The following GMPPB variants were observed in gnomAD, a reference collection of about 807,000 sequenced individuals.
GMPPB encodes the protein mannose-1-phosphate guanylyltransferase catalytic subunit beta.
A neutral mutation model predicts 40.3 loss-of-function variants in GMPPB; 38 were observed. The ratio of observed to expected loss-of-function variants is 0.94; its 90% CI spans 0.73 to 1.24. The LOEUF (loss-of-function observed/expected upper bound fraction) is 1.24, where lower values mean the gene tolerates loss of function less well. Ranked by LOEUF, GMPPB falls within the 50% of genes most tolerant of loss-of-function variation. GMPPB has a pLI of 0.00. For missense variants in GMPPB, 436 were observed against 487.1 expected, an observed-to-expected ratio of 0.90 and a Z score of 0.99; for synonymous variants, 193 against 191.8, an observed-to-expected ratio of 1.01 and a Z score of -0.05.
intron 5 of GMPPB, 22 bp downstream of exon 5, chr3:49,722,574 C>G (rs758710072): frequency 3.7e-6 from 6 of 1,613,372 alleles, no homozygotes; most frequent in Non-Finnish European, 5.1e-6. Context: ...CCCCAGCCCA[C>G]CAACAGCTGT....
Position 49,721,666 on chromosome 3 carries a change from A to ACAAGT in GMPPB, c.*81_*85dup, listed in dbSNP as rs1226680054. On this transcript the variant is annotated 3_prime_UTR_variant, in exon 9 of 9. Coordinates refer to ENST00000308388, the MANE Select transcript of GMPPB (RefSeq NM_021971.4). Reference sequence around the variant, plus strand: ...CCCAGTGCCCCCCAGACAAATAATGACAAGTCCAGGGTCTTCTGATGTGTC... The same window carrying ACAAGT: ...CCCAGTGCCCCCCAGACAAATAATGACAAGTCAAGTCCAGGGTCTTCTGATGTGTC... The ACAAGT allele has an allele frequency of 7.0e-6, 9 of 1,294,764 alleles. No individual in the cohort carries two copies. The highest frequency in any genetic ancestry group is 1.5e-5 in the African/African-American group (1 of 68,876). 80.2% of individuals were successfully genotyped at this position (1,294,764 alleles called of 1,614,324 possible).
rs543835310 is a variant in GMPPB, at chr3:49,721,316, C to T, written c.*436G>A. On this transcript the variant is annotated 3_prime_UTR_variant, in exon 9 of 9. Transcript: ENST00000308388. ...TCCTCAGCTGCCTAGCCCTCACAGC[C>T]TGTGCCATCCTGGAACCTCCACCTT... The T allele has an allele frequency of 6.2e-7, 1 of 1,614,176 alleles. No homozygotes were observed. Among genetic ancestry groups the T allele is most frequent in the East Asian group, 2.2e-5 (1 of 44,888 alleles).
rs367820087 is a variant in GMPPB, at chr3:49,721,571, G to A, written c.*181C>T. The A allele has an allele frequency of 8.3e-5, 67 of 805,764 alleles. 1 individual carries two copies. In the East Asian group the frequency reaches 9.8e-4, roughly 12 times the overall value. The allele number at this position is 805,764 out of a possible 1,614,324, so 49.9% of individuals were successfully genotyped here. On this transcript the variant is annotated 3_prime_UTR_variant, in exon 9 of 9. Transcript: ENST00000308388. Reference sequence around the variant, plus strand: ...TTCTTGAGGGAGTGGGGTTTGTGGGGTGTGCCCAGCAGGGATCCTGCCAGA... The same window carrying A: ...TTCTTGAGGGAGTGGGGTTTGTGGGATGTGCCCAGCAGGGATCCTGCCAGA...
At position 49,720,718 on chromosome 3, in the gene GMPPB, C is replaced by T; in HGVS notation, c.*1034G>A. ...TGGGTCGGGTCAGGAGCCTTAAGAACAGCAAAGTCCTAGGCTGGGAATATT... is the reference window on the plus strand; with the variant it reads ...TGGGTCGGGTCAGGAGCCTTAAGAATAGCAAAGTCCTAGGCTGGGAATATT... On this transcript the variant is annotated 3_prime_UTR_variant, in exon 9 of 9. Transcript: ENST00000308388. 5.0e-6 allele frequency: 8 copies of T among 1,604,538 alleles called. No homozygotes were observed. The highest frequency in any genetic ancestry group is 6.8e-6 in the Non-Finnish European group (8 of 1,172,282).
chr3:49,721,905 G>C lies in GMPPB; in HGVS notation c.952-22C>G, dbSNP rs764575305. 1.7e-5 allele frequency: 28 copies of C among 1,613,782 alleles called. No individual in the cohort carries two copies. The highest frequency in any genetic ancestry group is 2.2e-5 in the Non-Finnish European group (26 of 1,180,016). On this transcript the variant is annotated intron_variant, in intron 8 of 8. Coordinates refer to ENST00000308388, the MANE Select transcript of GMPPB (RefSeq NM_021971.4). ...GTACCTCCAGGAGAGGATAGGCCTT[G>C]TCAGGGAGGCAGGCACACTCCCCGC...
intron 4 of GMPPB, 29 bp from the exon 5 acceptor site, chr3:49,722,783 T>C (rs1221654615): frequency 1.3e-6 from 2 of 1,597,710 alleles, no homozygotes; most frequent in Non-Finnish European, 1.7e-6. Flanking sequence ...ACCTCGGACC[T>C]AGTCCAGTGT....
In GMPPB at chr3:49,720,990, C is replaced by G; in HGVS notation, c.*762G>C. On this transcript the variant is annotated 3_prime_UTR_variant, in exon 9 of 9. Transcript: ENST00000308388. ...CATCCACATAGCCAGGCATCCAACT[C>G]CAGCCCACCCTTCACTCTCCTCCCT... The G allele has an allele frequency of 1.2e-6, 2 of 1,609,090 alleles. No individual in the cohort carries two copies. The highest frequency in any genetic ancestry group is 2.2e-5 in the South Asian group (2 of 90,796).
At chr3:49,721,941 A>ACGCAG in intron 8 of GMPPB, 24 bp downstream of exon 8, 1 of 812,430 alleles carries the variant, frequency 1.2e-6, no homozygotes, top group Non-Finnish European at 2.0e-6. Context: ...CCCTCTCCCC[A>ACGCAG]CCCAGCCCAG....
At position 49,723,238 on chromosome 3, in the gene GMPPB, T is replaced by C. The variant is rs2080451144; in HGVS notation, c.259+16A>G. ...CCTTAAACCCTCCCCCAAGGGACCTTTCTGCCTCTACTGACCTGTCCCCAA... is the reference window on the plus strand; with the variant it reads ...CCTTAAACCCTCCCCCAAGGGACCTCTCTGCCTCTACTGACCTGTCCCCAA... On this transcript the variant is annotated intron_variant, in intron 3 of 8. Coordinates refer to ENST00000308388, the MANE Select transcript of GMPPB (RefSeq NM_021971.4). The C allele has an allele frequency of 1.9e-6, 3 of 1,613,976 alleles. No individual in the cohort carries two copies. The highest frequency in any genetic ancestry group is 2.5e-6 in the Non-Finnish European group (3 of 1,179,886).
rs1407066727 is a variant in GMPPB, at chr3:49,721,566, G to A, written c.*186C>T. On this transcript the variant is annotated 3_prime_UTR_variant, in exon 9 of 9. Coordinates refer to ENST00000308388, the MANE Select transcript of GMPPB (RefSeq NM_021971.4). ...GGCCCTTCTTGAGGGAGTGGGGTTT[G>A]TGGGGTGTGCCCAGCAGGGATCCTG... 6 of 801,950 alleles carry A rather than the reference G, an allele frequency of 7.5e-6. No homozygotes were observed. Among genetic ancestry groups the A allele is most frequent in the East Asian group, 2.6e-5 (1 of 37,832 alleles). 49.7% of individuals were successfully genotyped at this position (801,950 alleles called of 1,614,324 possible).
rs1055520608 is a variant in GMPPB, at chr3:49,721,425, G to T, written c.*327C>A. 3 of 1,344,672 alleles carry T rather than the reference G, an allele frequency of 2.2e-6. No homozygotes were observed. The highest frequency in any genetic ancestry group is 2.9e-5 in the African/African-American group (2 of 69,770). The allele number at this position is 1,344,672 out of a possible 1,614,324, so 83.3% of individuals were successfully genotyped here. On this transcript the variant is annotated 3_prime_UTR_variant, in exon 9 of 9. Transcript: ENST00000308388. ...CCACACCACCACATCCAACCTCCTT[G>T]CCTGCCTGTATCCTCATTGGTGGGA...
In GMPPB at chr3:49,720,408, G is replaced by T; in HGVS notation, c.*1344C>A. On this transcript the variant is annotated 3_prime_UTR_variant, in exon 9 of 9. Coordinates refer to ENST00000308388, the MANE Select transcript of GMPPB (RefSeq NM_021971.4). Reference sequence around the variant, plus strand: ...AGGGAGACGGAAAGGATGCAGGGGGGGTGATCATGTACGAGCCATGGCACT... The same window carrying T: ...AGGGAGACGGAAAGGATGCAGGGGGTGTGATCATGTACGAGCCATGGCACT... 8.5e-7 allele frequency: 1 copy of T among 1,183,400 alleles called. No homozygotes were observed. The highest frequency in any genetic ancestry group is 2.6e-5 in the East Asian group (1 of 39,024). 73.3% of individuals were successfully genotyped at this position (1,183,400 alleles called of 1,614,324 possible).
Position 49,723,921 on chromosome 3 carries a change from C to T in GMPPB, c.-195G>A, listed in dbSNP as rs2080464791. 3.6e-6 allele frequency: 2 copies of T among 558,084 alleles called. No homozygotes were observed. Among genetic ancestry groups the T allele is most frequent in the South Asian group, 5.5e-5 (2 of 36,370 alleles). The allele number at this position is 558,084 out of a possible 1,614,324, so 34.6% of individuals were successfully genotyped here. On this transcript the variant is annotated 5_prime_UTR_variant, in exon 1 of 9. Coordinates refer to ENST00000308388, the MANE Select transcript of GMPPB (RefSeq NM_021971.4). Reference sequence around the variant, plus strand: ...AGGGCCGCCACAACACAGAACGCGACACCGGGTAGACGGCTGCTGGCCCCG... The same window carrying T: ...AGGGCCGCCACAACACAGAACGCGATACCGGGTAGACGGCTGCTGGCCCCG...
rs779044341 is a variant in GMPPB at position 49,721,763 on chromosome 3, T to C, written c.1072A>G (p.Ile358Val). 2 of 1,602,990 alleles carry C rather than the reference T, an allele frequency of 1.2e-6. No homozygotes were observed. Among genetic ancestry groups the C allele is most frequent in the South Asian group, 1.1e-5 (1 of 90,444 alleles). The change falls in exon 9 of 9, where the codon ATC (isoleucine) becomes GTC (valine). Residue 358 changes from isoleucine to valine, a missense_variant. Transcript: ENST00000308388. ...SIGESVPEPRIIM is the reference protein window; with the variant it reads ...SIGESVPEPRVIM Reference sequence around the variant, plus strand: ...CCCACTGCATCCCCTCACATGATGATACGAGGCTCTGGCACTGACTCGCCA... The same window carrying C: ...CCCACTGCATCCCCTCACATGATGACACGAGGCTCTGGCACTGACTCGCCA...
At position 49,720,635 on chromosome 3, in the gene GMPPB, C is replaced by T. The variant is rs139665550; in HGVS notation, c.*1117G>A. Reference sequence around the variant, plus strand: ...TGCTCTGCCAGCCCCTGACCGGAAGCGCTTCTCCCTGCAGAGCTGTGAGTG... The same window carrying T: ...TGCTCTGCCAGCCCCTGACCGGAAGTGCTTCTCCCTGCAGAGCTGTGAGTG... On this transcript the variant is annotated 3_prime_UTR_variant, in exon 9 of 9. Transcript: ENST00000308388. 20 of 1,600,944 alleles carry T rather than the reference C, an allele frequency of 1.2e-5. No homozygotes were observed. The highest frequency in any genetic ancestry group is 2.7e-5 in the African/African-American group (2 of 74,698).
rs925480932 is a variant in GMPPB at position 49,720,758 on chromosome 3, T to A, written c.*994A>T. The A allele has an allele frequency of 1.9e-6, 3 of 1,612,398 alleles. No individual in the cohort carries two copies. In the Admixed American group the frequency reaches 5.0e-5, roughly 27 times the overall value. On this transcript the variant is annotated 3_prime_UTR_variant, in exon 9 of 9. Coordinates refer to ENST00000308388, the MANE Select transcript of GMPPB (RefSeq NM_021971.4). ...CTGGGAATATTCAAGAGGCATCACA[T>A]CCTCAGCTACCTCTGACTTGACACT...
Position 49,723,059 on chromosome 3 carries a change from G to C in GMPPB, c.315C>G (p.Phe105Leu). ...DLLSETADPF[F>L]VLNSDVICDF... ...CGCAGATCACGTCACTGTTGAGGACGAAGAAAGGGTCTGCAGTCTCAGAGA... is the reference window on the plus strand; with the variant it reads ...CGCAGATCACGTCACTGTTGAGGACCAAGAAAGGGTCTGCAGTCTCAGAGA... The change falls in exon 4 of 9, where the codon TTC (phenylalanine) becomes TTG (leucine). Residue 105 changes from phenylalanine (F) to leucine (L), a missense_variant. Phe to Leu is a conservative substitution (Grantham distance 22, BLOSUM62 0). Coordinates refer to ENST00000308388, the MANE Select transcript of GMPPB (RefSeq NM_021971.4). 1 of 1,613,678 alleles carries C rather than the reference G, an allele frequency of 6.2e-7. No homozygotes were observed. Among genetic ancestry groups the C allele is most frequent in the South Asian group, 1.1e-5 (1 of 91,080 alleles).
chr3:49,721,734 C>G lies in GMPPB; in HGVS notation c.*18G>C, dbSNP rs1199166315. The stretch of plus-strand genomic sequence containing the variant: ...GCTGATGGGAAAACCGGGGCTCGGC[C>G]AGCCCCACTGCATCCCCTCACATGA... On this transcript the variant is annotated 3_prime_UTR_variant, in exon 9 of 9. Transcript: ENST00000308388. The G allele has an allele frequency of 6.3e-7, 1 of 1,581,744 alleles. No individual in the cohort carries two copies. Among genetic ancestry groups the G allele is most frequent in the Non-Finnish European group, 8.6e-7 (1 of 1,167,862 alleles).
In GMPPB at chr3:49,722,137, G is replaced by A; in HGVS notation, c.779C>T (p.Ala260Val). 4 of 1,610,894 alleles carry A rather than the reference G, an allele frequency of 2.5e-6. No homozygotes were observed. Among genetic ancestry groups the A allele is most frequent in the Non-Finnish European group, 3.4e-6 (4 of 1,177,898 alleles). ...IVGNVLVDPS[A>V]RIGQNCSIGP... ...AATGCTGCAGTTCTGGCCGATGCGG[G>A]CACTTGGGTCCTGAGAGCGGTGGGA... Residue 260 changes from alanine to valine, a missense_variant, in exon 8 of 9, where the codon GCC becomes GTC. Physicochemically the swap from Ala to Val is moderately conservative, Grantham distance 64 (BLOSUM62 0). Coordinates refer to ENST00000308388, the MANE Select transcript of GMPPB (RefSeq NM_021971.4).
Sources: allele counts gnomAD v4.1 joint callset, GRCh38; gene constraint gnomAD v4.1.1; transcripts MANE v1.5; gene names NCBI Gene and HGNC (gene_info 2026-07-23, HGNC 2026-07-21).